The following KITLG variants were observed in gnomAD, a reference collection of about 807,000 sequenced individuals.
The protein encoded by KITLG is KIT ligand.
In KITLG, 13 loss-of-function variants were observed where a neutral mutation model predicts 34.1. The observed-to-expected ratio is 0.38, with a 90% CI of 0.25 to 0.61. The LOEUF is 0.61. KITLG is among the 20% of genes least tolerant of loss of function. KITLG has a pLI of 0.60. For synonymous variants in KITLG, 110 were observed against 104.0 expected (o/e 1.06, Z -0.35); for missense variants, 292 against 318.9 (o/e 0.92, Z 0.64).
chr12:88,498,981 C>T (rs963359772), intron 9 of KITLG, among the ~76,000 whole-genome samples: 4 of 152,098 alleles, frequency 2.6e-5, no homozygotes, highest in African/African-American at 9.7e-5. Flanking sequence ...AGAAAATAAA[C>T]GTAAAGACTG....
chr12:88,526,401 T>C (rs1869867181), intron 3 of KITLG, among the ~76,000 whole-genome samples: 1 of 152,228 alleles, frequency 6.6e-6, no homozygotes, highest in African/African-American at 2.4e-5. Flanking sequence ...TATAACCTTG[T>C]GAACTAAGTT....
chr12:88,532,320 A>G, intron 3 of KITLG, 121 bp downstream of exon 3: 1 of 786,762 alleles, frequency 1.3e-6, no homozygotes, highest in Non-Finnish European at 2.1e-6. Flanking sequence ...CCAAAGATAA[A>G]TTCTTCAAAT....
chr12:88,533,027 T>C (rs752543560), intron 2 of KITLG, among the ~76,000 whole-genome samples: 3 of 152,182 alleles, frequency 2.0e-5, no homozygotes, highest in Non-Finnish European at 2.9e-5. Flanking sequence ...TTGAGAACTA[T>C]TTTATGTTGA....
chr12:88,545,911 T>A, intron 1 of KITLG, 46 bp from the exon 2 acceptor site: 1 of 1,147,080 alleles, frequency 8.7e-7, no homozygotes. Flanking sequence ...AGTTAAGATC[T>A]GTAATCATTC....
Position 88,516,393 on chromosome 12 carries a change from A to G in KITLG, c.461T>C (p.Phe154Ser), listed in dbSNP as rs1200275397. The G allele has an allele frequency of 1.2e-6, 2 of 1,611,026 alleles. No individual in the cohort carries two copies. Among genetic ancestry groups the G allele is most frequent in the East Asian group, 2.2e-5 (1 of 44,766 alleles). Residue 154 changes from phenylalanine (F) to serine (S), a missense_variant, in exon 5 of 10, where the codon TTT becomes TCT. By Grantham distance (155) the Phe-to-Ser change is radical (BLOSUM62 -2). Coordinates refer to ENST00000644744, the MANE Select transcript of KITLG (RefSeq NM_000899.5). ...ATCACTAGTTTCAGATGCCACTACAAAGTCCTTGAAGGCATCAATGGATCT... is the reference window on the plus strand; with the variant it reads ...ATCACTAGTTTCAGATGCCACTACAGAGTCCTTGAAGGCATCAATGGATCT... ...FNRSIDAFKD[F>S]VVASETSDCV...
intron 7 of KITLG, 42 bp downstream of exon 7, chr12:88,506,986 T>C: frequency 1.9e-6 from 2 of 1,030,756 alleles, no homozygotes; most frequent in Non-Finnish European, 3.1e-6. Context: ...ATAATTTATG[T>C]AAACATAGCA....
rs111508272 is a variant in KITLG, at chr12:88,533,258, G to C, written c.130-755C>G. Among the ~76,000 whole-genome samples the C allele has an allele frequency of 9.9e-3, 1,505 of 152,260 alleles. 27 individuals carry two copies. The highest frequency in any genetic ancestry group is 0.03 in the African/African-American group (1,265 of 41,562). On this transcript the variant is annotated intron_variant, in intron 2 of 9. Coordinates refer to ENST00000644744, the MANE Select transcript of KITLG (RefSeq NM_000899.5). ...CAGTCATTCTGGCATAAGTGAATAA[G>C]CAATAGGTTTAGGACAAAGGAATCT...
rs569194756 is a variant in KITLG, at chr12:88,529,969, T to C, written c.192+2472A>G. Among the ~76,000 whole-genome samples the C allele has an allele frequency of 3.3e-5, 5 of 152,326 alleles. No homozygotes were observed. The South Asian group carries it at 1.0e-3, about 32-fold the overall frequency. Reference sequence around the variant, plus strand: ...ATTACAGAAACAAGCACAAAATATGTGGCAGTGAATCAGCTTTATTTTCAC... The same window carrying C: ...ATTACAGAAACAAGCACAAAATATGCGGCAGTGAATCAGCTTTATTTTCAC... On this transcript the variant is annotated intron_variant, in intron 3 of 9. Coordinates refer to ENST00000644744, the MANE Select transcript of KITLG (RefSeq NM_000899.5).
Position 88,495,757 on chromosome 12 carries a change from T to C in KITLG, c.*1462A>G, listed in dbSNP as rs1204960151. On this transcript the variant is annotated 3_prime_UTR_variant, in exon 10 of 10. Coordinates refer to ENST00000644744, the MANE Select transcript of KITLG (RefSeq NM_000899.5). ...ATCTTACGGTTGTAGAACATGGCAA[T>C]AATGTTATCACAAAGATTAAGTTAG... 2.0e-5 allele frequency: 3 copies of C among 152,272 alleles called. No individual in the cohort carries two copies. Among genetic ancestry groups the C allele is most frequent in the Non-Finnish European group, 4.4e-5 (3 of 68,018 alleles). 9.4% of individuals were successfully genotyped at this position (152,272 alleles called of 1,614,324 possible).
chr12:88,525,488 A>G (rs1439739991), intron 3 of KITLG, among the ~76,000 whole-genome samples: 1 of 152,204 alleles, frequency 6.6e-6, no homozygotes, highest in Non-Finnish European at 1.5e-5. Flanking sequence ...ACACAGGAGT[A>G]AAAGATTTCA....
At chr12:88,532,157 G>C (rs1287883248) in intron 3 of KITLG, among the ~76,000 whole-genome samples, 1 of 152,018 alleles carries the variant, frequency 6.6e-6, no homozygotes, top group East Asian at 1.9e-4. Flanking sequence ...TGGAGTGAGT[G>C]GGGAGGATGG....
intron 3 of KITLG, among the ~76,000 whole-genome samples, chr12:88,519,714 C>A (rs58885752): frequency 1.3e-5 from 2 of 151,992 alleles, no homozygotes; most frequent in African/African-American, 4.8e-5. Context: ...TGTTGAATTC[C>A]TGGGCCCAAG....
intron 4 of KITLG, 94 bp from the exon 5 acceptor site, chr12:88,516,584 A>G (rs960700055): frequency 2.5e-6 from 2 of 802,470 alleles, no homozygotes; most frequent in African/African-American, 3.5e-5. Context: ...CAAAGATTCA[A>G]GTATTTAGAC....
intron 1 of KITLG, among the ~76,000 whole-genome samples, chr12:88,570,457 G>A (rs193185177): frequency 2.1e-4 from 32 of 152,002 alleles, no homozygotes; most frequent in East Asian, 1.5e-3. Flanking sequence ...ACTCAGCTTT[G>A]CCTGCTCTCA....
chr12:88,513,852 T>C (rs1445818243), intron 6 of KITLG, among the ~76,000 whole-genome samples: 1 of 151,578 alleles, frequency 6.6e-6, no homozygotes, highest in African/African-American at 2.4e-5. Context: ...CAATAATTAA[T>C]AAAAATTAGA....
intron 3 of KITLG, among the ~76,000 whole-genome samples, chr12:88,522,977 T>A (rs922611990): frequency 6.6e-6 from 1 of 152,218 alleles, no homozygotes; most frequent in Middle Eastern, 3.2e-3. Flanking sequence ...GCCTGGCTCA[T>A]AAACTATGAG....
chr12:88,501,794 CATCTT>C (rs1316101601), intron 9 of KITLG, among the ~76,000 whole-genome samples: 1 of 152,034 alleles, frequency 6.6e-6, no homozygotes, highest in East Asian at 1.9e-4. Flanking sequence ...ATTTTATTCT[CATCTT>C]ATTGTAATTC....
intron 1 of KITLG, among the ~76,000 whole-genome samples, chr12:88,576,198 T>C (rs1211066168): frequency 1.3e-5 from 2 of 152,246 alleles, no homozygotes; most frequent in Non-Finnish European, 2.9e-5. Flanking sequence ...CATTCATTTG[T>C]ACTTTAAAAG....
chr12:88,530,961 C>A (rs1164466132), intron 3 of KITLG, among the ~76,000 whole-genome samples: 1 of 152,118 alleles, frequency 6.6e-6, no homozygotes, highest in East Asian at 1.9e-4. Context: ...TCAAAACCTA[C>A]ACAAAGTAGA....
Sources: allele counts gnomAD v4.1 joint callset (sites outside exome capture counted in the v4.1 genomes callset), GRCh38; gene constraint gnomAD v4.1.1; transcripts MANE v1.5; gene names NCBI Gene and HGNC (gene_info 2026-07-23, HGNC 2026-07-21).